EYA1: variants seen among roughly 807,000 people sequenced by gnomAD.
EYA1 encodes EYA transcriptional coactivator and phosphatase 1, also known as protein phosphatase EYA1.
EYA1 carries 16 observed loss-of-function variants against 82.0 expected under a neutral mutation model. The observed-to-expected ratio is 0.20, with a 90% confidence interval of 0.13 to 0.30. The LOEUF (loss-of-function observed/expected upper bound fraction) is 0.30, where lower values mean the gene tolerates loss of function less well. EYA1 is among the 10% of genes least tolerant of loss of function. The pLI, the probability that EYA1 is intolerant of heterozygous loss-of-function variation, is 1.00. For missense variants in EYA1, 633 were observed against 730.7 expected (o/e 0.87, Z 1.54); for synonymous variants, 261 against 264.4 (o/e 0.99, Z 0.12).
intron 12 of EYA1, among the ~76,000 whole-genome samples, chr8:71,228,475 C>T (rs1390042753): frequency 1.3e-5 from 2 of 152,048 alleles, no homozygotes; most frequent in Non-Finnish European, 2.9e-5. Flanking sequence ...AAAGTTTTGT[C>T]TATACTCATA....
At chr8:71,290,896 A>G (rs1184196793) in intron 9 of EYA1, among the ~76,000 whole-genome samples, 1 of 152,228 alleles carries the variant, frequency 6.6e-6, no homozygotes, top group Non-Finnish European at 1.5e-5. Context: ...TCACATCTTA[A>G]TAGCCTAGCT....
intron 2 of EYA1, chr8:71,529,460 A>G (rs984086111): frequency 2.0e-5 from 3 of 152,228 alleles, no homozygotes; most frequent in African/African-American, 7.2e-5. Context: ...AGGTGATGGC[A>G]TATCAAGGGT....
chr8:71,422,481 T>A (rs1230043496), intron 2 of EYA1, among the ~76,000 whole-genome samples: 1 of 152,166 alleles, frequency 6.6e-6, no homozygotes, highest in Admixed American at 6.5e-5. Context: ...GTGTTCATAA[T>A]TAGGGTATTG....
chr8:71,372,829 A>G (rs558932165), intron 2 of EYA1, among the ~76,000 whole-genome samples: 1 of 152,262 alleles, frequency 6.6e-6, no homozygotes, highest in African/African-American at 2.4e-5. Flanking sequence ...TTGGTTTAAC[A>G]TTCCAAATCA....
intron 7 of EYA1, among the ~76,000 whole-genome samples, chr8:71,317,004 C>G (rs1336386146): frequency 6.6e-6 from 1 of 152,160 alleles, no homozygotes; most frequent in Non-Finnish European, 1.5e-5. Context: ...GGGACTGATT[C>G]TTACAAGCAT....
intron 7 of EYA1, among the ~76,000 whole-genome samples, chr8:71,312,620 T>C (rs1382576573): frequency 6.6e-6 from 1 of 152,164 alleles, no homozygotes; most frequent in African/African-American, 2.4e-5. Flanking sequence ...GTATTTTTAA[T>C]AGAGACGGGG....
intron 2 of EYA1, among the ~76,000 whole-genome samples, chr8:71,406,676 A>C (rs565689053): frequency 2.6e-5 from 4 of 152,260 alleles, no homozygotes; most frequent in African/African-American, 9.6e-5. Context: ...TGGCTTAAAA[A>C]ACCGCTCACC....
chr8:71,321,711 C>A (rs1358388106), intron 6 of EYA1, 23 bp downstream of exon 6: 2 of 1,612,766 alleles, frequency 1.2e-6, no homozygotes, highest in South Asian at 2.2e-5. Flanking sequence ...ATAACGCCAC[C>A]ACTACAGTTG....
chr8:71,496,602 AT>A lies in EYA1; in HGVS notation c.33+39141del, dbSNP rs1168688687. On this transcript the variant is annotated intron_variant, in intron 2 of 18. Transcript: ENST00000643681. ...CTACCCACAGAGCGAATATACCAGCATTTTTTTCAATGTTTTGAGCCAATTT... is the reference window on the plus strand; with the variant it reads ...CTACCCACAGAGCGAATATACCAGCATTTTTTCAATGTTTTGAGCCAATTT... Among the ~76,000 whole-genome samples the A allele has an allele frequency of 9.9e-5, 15 of 152,250 alleles. 1 individual carries two copies. In the East Asian group the frequency reaches 2.9e-3, roughly 29 times the overall value.
chr8:71,535,631 A>C (rs1210785855), intron 2 of EYA1: 1 of 683,348 alleles, frequency 1.5e-6, no homozygotes, highest in Non-Finnish European at 2.4e-6. Context: ...AAAAATTGGT[A>C]CATTGGTACA....
rs78305016 is a variant in EYA1 at position 71,222,789 on chromosome 8, C to T, written c.1141-5766G>A. On this transcript the variant is annotated intron_variant, in intron 12 of 17. Coordinates refer to ENST00000340726, the MANE Select transcript of EYA1 (RefSeq NM_000503.6). ...ATGCTGATGTCTTTGACCCTCAACT[C>T]GCCGTTTCTTCCCAGGCTCCTCAAT... Among the ~76,000 whole-genome samples the T allele has an allele frequency of 4.1e-3, 630 of 152,322 alleles. 7 individuals are homozygous for T. The highest frequency in any genetic ancestry group is 0.014 in the African/African-American group (585 of 41,576).
chr8:71,271,025 C>T (rs1258176928), intron 10 of EYA1, among the ~76,000 whole-genome samples: 5 of 152,094 alleles, frequency 3.3e-5, no homozygotes, highest in African/African-American at 9.7e-5. Context: ...GCAGAAGAAT[C>T]GCTTGAACCG....
At position 71,514,575 on chromosome 8, in the gene EYA1, G is replaced by A. The variant is rs117218535; in HGVS notation, c.33+21169C>T. On this transcript the variant is annotated intron_variant, in intron 2 of 18. Coordinates refer to the EYA1 transcript ENST00000643681. ...TCAGAATCATGGCGGGATGTGAAAC[G>A]CACTTCTTATATGGCAGTGGCAAGA... 4.0e-4 allele frequency among the ~76,000 whole-genome samples: 61 copies of A among 152,258 alleles called. 2 individuals carry two copies. In the East Asian group the frequency reaches 9.6e-3, roughly 24 times the overall value.
At chr8:71,395,918 T>A (rs934438938) in intron 2 of EYA1, among the ~76,000 whole-genome samples, 2 of 152,212 alleles carry the variant, frequency 1.3e-5, no homozygotes, top group Non-Finnish European at 2.9e-5. Context: ...ATCCATGTGA[T>A]CCTGGACTTT....
chr8:71,285,305 A>G (rs1190382734), intron 9 of EYA1, among the ~76,000 whole-genome samples: 1 of 152,256 alleles, frequency 6.6e-6, no homozygotes, highest in Non-Finnish European at 1.5e-5. Context: ...AAGTGTAGGG[A>G]AACATATACT....
intron 11 of EYA1, among the ~76,000 whole-genome samples, chr8:71,267,986 ATTAT>A: frequency 6.6e-6 from 1 of 152,368 alleles, no homozygotes; most frequent in Non-Finnish European, 1.5e-5. Context: ...TTTGTAATAC[ATTAT>A]TTAGAGAATG....
At chr8:71,490,890 TG>T (rs1482357991) in intron 2 of EYA1, among the ~76,000 whole-genome samples, 5 of 152,138 alleles carry the variant, frequency 3.3e-5, no homozygotes, top group Non-Finnish European at 7.4e-5. Flanking sequence ...TGAAAGCAGA[TG>T]GGTGGGTTAA....
rs1563640193 is a variant in EYA1, at chr8:71,463,625, CT to C, written c.33+72118del. 1.3e-3 allele frequency among the ~76,000 whole-genome samples: 141 copies of C among 110,038 alleles called. 9 individuals are homozygous for C. Among genetic ancestry groups the C allele is most frequent in the African/African-American group, 4.2e-3 (97 of 22,994 alleles). The allele number at this position is 110,038 out of a possible 152,430, so 72.2% of individuals were successfully genotyped here. On this transcript the variant is annotated intron_variant, in intron 2 of 18. Coordinates refer to the EYA1 transcript ENST00000643681. Reference sequence around the variant, plus strand: ...TCTCTCTCTCTCTCTCTCTCTCTCTCTCTCTCTCCCTCCCTCCCCCCTCCCA... The same window carrying C: ...TCTCTCTCTCTCTCTCTCTCTCTCTCCTCTCTCCCTCCCTCCCCCCTCCCA...
upstream of EYA1, chr8:71,362,229 GT>G: frequency 1.1e-6 from 1 of 945,648 alleles, no homozygotes; most frequent in East Asian, 1.4e-4. Context: ...AACCTTATTG[GT>G]TTAAATGCAA....
Sources: gnomAD v4.1 joint callset for allele counts (sites outside exome capture counted in the v4.1 genomes callset) on GRCh38, gnomAD v4.1.1 for gene constraint, MANE v1.5 for transcripts, NCBI Gene and HGNC (gene_info 2026-07-23, HGNC 2026-07-21) for gene names.